The following GALNT18 variants were observed in gnomAD, a reference collection of about 807,000 sequenced individuals.
The protein encoded by GALNT18 is polypeptide N-acetylgalactosaminyltransferase 18, also known as GalNAc-transferase 18.
Under a neutral mutation model 69.5 loss-of-function variants are expected in GALNT18, and 44 were observed. The ratio of observed to expected loss-of-function variants is 0.63; its 90% CI spans 0.50 to 0.81. The LOEUF (loss-of-function observed/expected upper bound fraction) is 0.81, where lower values mean the gene tolerates loss of function less well. GALNT18 is among the 40% of genes least tolerant of loss of function. GALNT18 has a pLI of 0.00. For synonymous variants in GALNT18, 364 were observed against 318.2 expected (o/e 1.14, Z -1.53); for missense variants, 715 against 810.0 (o/e 0.88, Z 1.42).
At chr11:11,398,823 G>A (rs1854392802) in intron 3 of GALNT18, among the ~76,000 whole-genome samples, 1 of 152,164 alleles carries the variant, frequency 6.6e-6, no homozygotes, top group African/African-American at 2.4e-5. Context: ...GATTTCTTAA[G>A]AGTGGAAGAA....
At chr11:11,514,514 A>G (rs1446318009) in intron 1 of GALNT18, among the ~76,000 whole-genome samples, 1 of 152,212 alleles carries the variant, frequency 6.6e-6, no homozygotes, top group East Asian at 1.9e-4. Flanking sequence ...CAGAGGAATC[A>G]GTTTTCTAAA....
chr11:11,280,624 T>C (rs1849052766), intron 10 of GALNT18, among the ~76,000 whole-genome samples: 1 of 152,200 alleles, frequency 6.6e-6, no homozygotes, highest in South Asian at 2.1e-4. Flanking sequence ...CTTTCCCAGT[T>C]CCTGGTGGGA....
rs1850162863 is a variant in GALNT18 at position 11,339,374 on chromosome 11, G to T, written c.1278+1445C>A. Among the ~76,000 whole-genome samples, 3 of 152,176 alleles carry T rather than the reference G, an allele frequency of 2.0e-5. No homozygotes were observed. In the South Asian group the frequency reaches 6.2e-4, roughly 32 times the overall value. ...CTGGGCATTTCAACACCTGTCAGCTGCAAGGGGGAGAGGGCTAGAAGTTTT... is the reference window on the plus strand; with the variant it reads ...CTGGGCATTTCAACACCTGTCAGCTTCAAGGGGGAGAGGGCTAGAAGTTTT... On this transcript the variant is annotated intron_variant, in intron 7 of 10. Coordinates refer to ENST00000227756, the MANE Select transcript of GALNT18 (RefSeq NM_198516.3). The surrounding 1 kb of genome is among the most constrained non-coding windows in gnomAD (Gnocchi z 5.2).
chr11:11,408,669 G>A (rs1382448063), intron 3 of GALNT18, among the ~76,000 whole-genome samples: 2 of 152,172 alleles, frequency 1.3e-5, no homozygotes, highest in African/African-American at 4.8e-5. Context: ...CACCTGCATC[G>A]TAGGCAGGAG....
intron 1 of GALNT18, among the ~76,000 whole-genome samples, chr11:11,550,024 T>C (rs367945738): frequency 8.7e-4 from 133 of 152,292 alleles, no homozygotes; most frequent in African/African-American, 3.0e-3. Context: ...GCAGATGCCA[T>C]TGAAAAGGCA....
chr11:11,369,745 A>C (rs1461048286), intron 6 of GALNT18, among the ~76,000 whole-genome samples: 1 of 151,686 alleles, frequency 6.6e-6, no homozygotes, highest in African/African-American at 2.4e-5. Context: ...TTTCTCACTC[A>C]TTTCGTTGTG....
intron 3 of GALNT18, among the ~76,000 whole-genome samples, chr11:11,425,814 C>A (rs1855116233): frequency 6.6e-6 from 1 of 152,144 alleles, no homozygotes; most frequent in Non-Finnish European, 1.5e-5. Flanking sequence ...ACGTGGCCAC[C>A]AAAAACCTGT....
At chr11:11,448,492 G>C (rs1164719579) in intron 2 of GALNT18, among the ~76,000 whole-genome samples, 1 of 152,234 alleles carries the variant, frequency 6.6e-6, no homozygotes, top group Non-Finnish European at 1.5e-5. Flanking sequence ...TGTCCTTAAC[G>C]AGTAAATTAA....
chr11:11,446,861 C>G (rs1186113489), intron 2 of GALNT18, among the ~76,000 whole-genome samples: 2 of 152,190 alleles, frequency 1.3e-5, no homozygotes, highest in Non-Finnish European at 2.9e-5. Flanking sequence ...CTATGAAGCC[C>G]TTCTCCTGGG....
chr11:11,395,822 G>C lies in GALNT18; in HGVS notation c.596-16558C>G, dbSNP rs78396168. ...AGATGGCACGAAGGATGGAGAGCAG[G>C]CTCTGAAACGCTGGGGAAACAGGAG... is the stretch of plus-strand genomic sequence containing the variant. On this transcript the variant is annotated intron_variant, in intron 3 of 10. Coordinates refer to ENST00000227756, the MANE Select transcript of GALNT18 (RefSeq NM_198516.3). Among the ~76,000 whole-genome samples the C allele has an allele frequency of 1.9e-3, 286 of 152,252 alleles. 5 individuals are homozygous for C. In the East Asian group the frequency reaches 0.049, roughly 26 times the overall value.
chr11:11,564,611 A>G lies in GALNT18; in HGVS notation c.235+56748T>C, dbSNP rs1024460754. On this transcript the variant is annotated intron_variant, in intron 1 of 10. Coordinates refer to ENST00000227756, the MANE Select transcript of GALNT18 (RefSeq NM_198516.3). The surrounding 1 kb of genome is among the most constrained non-coding windows in gnomAD (Gnocchi z 4.3). ...ACGGTGGCAATGCAGGCAGCCCCCA[A>G]TTCCAGAACAAATTGGTAGCTAATG... Among the ~76,000 whole-genome samples the G allele has an allele frequency of 2.6e-5, 4 of 152,172 alleles. No individual in the cohort carries two copies. The highest frequency in any genetic ancestry group is 4.4e-5 in the Non-Finnish European group (3 of 68,038).
rs1042744732 is a variant in GALNT18 at position 11,621,801 on chromosome 11, T to C, written c.-208A>G. ...TGCCGCTGGCCACCCGGAGAGACCT[T>C]GACAAAGGAAACCAGGTGGATTTTT... On this transcript the variant is annotated 5_prime_UTR_variant, in exon 1 of 11. Transcript: ENST00000227756. The surrounding 1 kb of genome is among the most constrained non-coding windows in gnomAD (Gnocchi z 9.3). 3 of 586,560 alleles carry C rather than the reference T, an allele frequency of 5.1e-6. No homozygotes were observed. The highest frequency in any genetic ancestry group is 6.1e-6 in the Non-Finnish European group (2 of 330,384). 36.3% of individuals were successfully genotyped at this position (586,560 alleles called of 1,614,324 possible). A position where few individuals can be genotyped will look rare whatever the true frequency, so the allele number is the denominator to read the frequency against.
intron 9 of GALNT18, among the ~76,000 whole-genome samples, chr11:11,324,845 C>T (rs1187094225): frequency 6.6e-6 from 1 of 152,094 alleles, no homozygotes; most frequent in Non-Finnish European, 1.5e-5. Context: ...TTTTCTCCCA[C>T]ACTGTGGGTT....
At chr11:11,283,590 C>T (rs1464002734) in intron 10 of GALNT18, among the ~76,000 whole-genome samples, 1 of 152,190 alleles carries the variant, frequency 6.6e-6, no homozygotes, top group Non-Finnish European at 1.5e-5. Context: ...TCGCAGGGTC[C>T]AACCTGCAGC....
At chr11:11,350,016 C>A (rs1479421779) in intron 6 of GALNT18, among the ~76,000 whole-genome samples, 1 of 152,208 alleles carries the variant, frequency 6.6e-6, no homozygotes, top group Non-Finnish European at 1.5e-5. Flanking sequence ...ACAGTTGAAG[C>A]AGTTCCTCTG....
At chr11:11,452,745 G>A (rs1855832149) in intron 1 of GALNT18, among the ~76,000 whole-genome samples, 1 of 152,162 alleles carries the variant, frequency 6.6e-6, no homozygotes, top group African/African-American at 2.4e-5. Context: ...GGCATATCTG[G>A]TGATACCCAG....
intron 1 of GALNT18, among the ~76,000 whole-genome samples, chr11:11,567,407 T>C (rs1399362821): frequency 6.6e-6 from 1 of 152,180 alleles, no homozygotes; most frequent in Non-Finnish European, 1.5e-5. Context: ...ATTTGGAGGC[T>C]CGGTATCTTA....
At chr11:11,281,580 A>G (rs1849076135) in intron 10 of GALNT18, among the ~76,000 whole-genome samples, 1 of 152,200 alleles carries the variant, frequency 6.6e-6, no homozygotes, top group Admixed American at 6.5e-5. Context: ...CCCGCACAGA[A>G]GACACCACAG....
At chr11:11,328,792 G>GAAGAGGGTCCTACACCCAC (rs1364028817) in intron 8 of GALNT18, among the ~76,000 whole-genome samples, 12 of 152,314 alleles carry the variant, frequency 7.9e-5, no homozygotes, top group Non-Finnish European at 1.6e-4. Context: ...TACAGCCCAT[G>GAAGAGGGTCCTACACCCAC]AAGAGGTGGG....
Sources: gnomAD v4.1 joint callset for allele counts (sites outside exome capture counted in the v4.1 genomes callset) on GRCh38, gnomAD v4.1.1 for gene constraint, Gnocchi (gnomAD v3.1) non-coding constraint, MANE v1.5 for transcripts, NCBI Gene and HGNC (gene_info 2026-07-23, HGNC 2026-07-21) for gene names.